The following EYA1 variants were observed in gnomAD, a reference collection of about 807,000 sequenced individuals.
EYA1 encodes EYA transcriptional coactivator and phosphatase 1.
In EYA1, 16 loss-of-function variants were observed where a neutral mutation model predicts 82.0. The observed-to-expected ratio is 0.20, with a 90% CI of 0.13 to 0.30. EYA1 has a LOEUF of 0.30. Ranked by LOEUF, EYA1 falls within the 10% of genes least tolerant of loss-of-function variation. The pLI, the probability that EYA1 is intolerant of heterozygous loss-of-function variation, is 1.00. For synonymous variants in EYA1, 261 were observed against 264.4 expected, an observed-to-expected ratio of 0.99 and a Z score of 0.12; for missense variants, 633 against 730.7, an observed-to-expected ratio of 0.87 and a Z score of 1.54.
chr8:71,233,924 A>T (rs1180370344), intron 12 of EYA1, among the ~76,000 whole-genome samples: 1 of 152,238 alleles, frequency 6.6e-6, no homozygotes, highest in Non-Finnish European at 1.5e-5. Context: ...TCAGGAGCTC[A>T]GGATTTAAGT....
intron 2 of EYA1, among the ~76,000 whole-genome samples, chr8:71,525,565 T>C (rs1432298521): frequency 6.6e-6 from 1 of 152,218 alleles, no homozygotes; most frequent in Non-Finnish European, 1.5e-5. Context: ...TAAGCTAAAT[T>C]AATCTATATT....
chr8:71,321,692 G>T (rs1483881553), intron 6 of EYA1, 42 bp downstream of exon 6: 1 of 1,608,914 alleles, frequency 6.2e-7, no homozygotes, highest in East Asian at 2.2e-5. Context: ...ATACACGCAT[G>T]CCCATGCGAT....
chr8:71,431,598 C>T (rs1375006112), intron 2 of EYA1, among the ~76,000 whole-genome samples: 1 of 152,158 alleles, frequency 6.6e-6, no homozygotes, highest in Non-Finnish European at 1.5e-5. Context: ...GACATTGTGC[C>T]TTCTCCAAGA....
chr8:71,412,127 G>T (rs1315078181), intron 2 of EYA1, among the ~76,000 whole-genome samples: 1 of 140,044 alleles, frequency 7.1e-6, no homozygotes, highest in African/African-American at 2.7e-5. Flanking sequence ...ACTATCACAA[G>T]AACAAAAAAC....
At chr8:71,465,636 A>G (rs937560404) in intron 2 of EYA1, among the ~76,000 whole-genome samples, 4 of 152,126 alleles carry the variant, frequency 2.6e-5, no homozygotes, top group Admixed American at 2.6e-4. Context: ...AAATAAATAA[A>G]CAAATAAAAT....
chr8:71,250,269 T>G (rs1450160943), intron 11 of EYA1, among the ~76,000 whole-genome samples: 2 of 152,194 alleles, frequency 1.3e-5, no homozygotes, highest in African/African-American at 4.8e-5. Context: ...TGAAATCCTT[T>G]CCTCAAAACA....
intron 2 of EYA1, among the ~76,000 whole-genome samples, chr8:71,400,683 T>C (rs187431328): frequency 5.4e-4 from 83 of 152,354 alleles, no homozygotes; most frequent in African/African-American, 1.9e-3. Flanking sequence ...TTTACACTGT[T>C]GGTGGGAAGG....
intron 3 of EYA1, among the ~76,000 whole-genome samples, chr8:71,336,198 G>T (rs1824464648): frequency 6.6e-6 from 1 of 152,188 alleles, no homozygotes. Flanking sequence ...AAAGCTTGAA[G>T]AAATAGTAAT....
chr8:71,547,157 C>T (rs1815688867), intron 1 of EYA1, among the ~76,000 whole-genome samples: 1 of 152,188 alleles, frequency 6.6e-6, no homozygotes, highest in South Asian at 2.1e-4. Context: ...TTGACTTGGA[C>T]CAATCAAACC....
intron 2 of EYA1, among the ~76,000 whole-genome samples, chr8:71,483,672 T>C (rs913969778): frequency 2.7e-5 from 4 of 147,696 alleles, no homozygotes; most frequent in Middle Eastern, 3.2e-3. Context: ...TGTGTGTGTG[T>C]GCGTGTGTGT....
chr8:71,344,244 T>G (rs1005715123), intron 3 of EYA1, among the ~76,000 whole-genome samples: 2 of 152,196 alleles, frequency 1.3e-5, no homozygotes, highest in Non-Finnish European at 2.9e-5. Flanking sequence ...TGAAATATTT[T>G]TAGCTTATTA....
intron 7 of EYA1, among the ~76,000 whole-genome samples, chr8:71,311,733 C>G (rs1344297492): frequency 6.6e-6 from 1 of 152,216 alleles, no homozygotes; most frequent in East Asian, 1.9e-4. Flanking sequence ...AGTTTCTAAT[C>G]TTTTAGTGGT....
intron 12 of EYA1, among the ~76,000 whole-genome samples, chr8:71,237,259 C>G (rs966204329): frequency 1.3e-5 from 2 of 152,076 alleles, no homozygotes; most frequent in East Asian, 3.9e-4. Flanking sequence ...ACCATGATGG[C>G]CAGGCTGGTC....
intron 7 of EYA1, among the ~76,000 whole-genome samples, chr8:71,306,094 T>C (rs754766941): frequency 6.6e-6 from 1 of 152,192 alleles, no homozygotes; most frequent in Non-Finnish European, 1.5e-5. Context: ...TCTCACTGTG[T>C]TACTCACTTG....
chr8:71,247,331 C>G (rs1378309780), intron 11 of EYA1, among the ~76,000 whole-genome samples: 1 of 152,150 alleles, frequency 6.6e-6, no homozygotes, highest in Non-Finnish European at 1.5e-5. Flanking sequence ...CCTCTCCTGC[C>G]TGTGCCTTTT....
intron 2 of EYA1, among the ~76,000 whole-genome samples, chr8:71,459,673 A>T (rs1238329328): frequency 1.3e-5 from 2 of 151,584 alleles, no homozygotes; most frequent in Non-Finnish European, 2.9e-5. Context: ...CACCATGTTT[A>T]TGTTAAATCT....
In EYA1 at chr8:71,344,941, A is replaced by G. The variant is rs183033695; in HGVS notation, c.124+9841T>C. On this transcript the variant is annotated intron_variant, in intron 3 of 17. Transcript: ENST00000340726. Reference sequence around the variant, plus strand: ...CACCAACTCACAGGAGCACCCAGACATAAACCCTAACCACATTGAGTATTA... The same window carrying G: ...CACCAACTCACAGGAGCACCCAGACGTAAACCCTAACCACATTGAGTATTA... Among the ~76,000 whole-genome samples, 286 of 152,296 alleles carry G rather than the reference A, an allele frequency of 1.9e-3. 3 individuals are homozygous for G. Among genetic ancestry groups the G allele is most frequent in the Non-Finnish European group, 1.2e-3 (85 of 68,026 alleles).
intron 11 of EYA1, among the ~76,000 whole-genome samples, chr8:71,252,492 T>C (rs1199267903): frequency 1.3e-5 from 2 of 152,142 alleles, no homozygotes; most frequent in Non-Finnish European, 2.9e-5. Flanking sequence ...CAATTCCTCA[T>C]ACCAATTATT....
chr8:71,423,562 G>A (rs1831259737), intron 2 of EYA1, among the ~76,000 whole-genome samples: 1 of 151,912 alleles, frequency 6.6e-6, no homozygotes, highest in Non-Finnish European at 1.5e-5. Context: ...TGTCTTTCTT[G>A]CTTAATAACC....
Sources: gnomAD v4.1 joint callset for allele counts (sites outside exome capture counted in the v4.1 genomes callset) on GRCh38, gnomAD v4.1.1 for gene constraint, MANE v1.5 for transcripts, NCBI Gene and HGNC (gene_info 2026-07-23, HGNC 2026-07-21) for gene names.